SLCO2A1: variants seen among roughly 807,000 people sequenced by gnomAD.
SLCO2A1 encodes matrin F/G 1.
SLCO2A1 carries 60 observed loss-of-function variants against 71.7 expected under a neutral mutation model. The observed-to-expected ratio is 0.84, with a 90% CI of 0.68 to 1.04. The LOEUF (loss-of-function observed/expected upper bound fraction) is 1.04. Ranked by LOEUF, SLCO2A1 falls within the 50% of genes least tolerant of loss-of-function variation. The probability of loss-of-function intolerance (pLI) is 0.00; values close to 1 mark genes in which losing one functional copy is unlikely to be tolerated. For missense variants in SLCO2A1, 745 were observed against 813.4 expected (o/e 0.92, Z 1.02); for synonymous variants, 308 against 326.7 (o/e 0.94, Z 0.62).
intron 1 of SLCO2A1, among the ~76,000 whole-genome samples, chr3:134,000,340 G>A (rs1248452460): frequency 6.6e-6 from 1 of 152,134 alleles, no homozygotes. Context: ...ACAGAGAGGA[G>A]GTCACTGAGG....
chr3:134,011,036 GTTTT>G, intron 1 of SLCO2A1, among the ~76,000 whole-genome samples: 2 of 151,936 alleles, frequency 1.3e-5, no homozygotes, highest in Admixed American at 1.3e-4. Flanking sequence ...AATTTTGTCT[GTTTT>G]TTTTGTTTGT....
chr3:134,005,144 AG>A (rs1187747085), intron 1 of SLCO2A1, among the ~76,000 whole-genome samples: 4 of 152,188 alleles, frequency 2.6e-5, no homozygotes, highest in Admixed American at 6.5e-5. Flanking sequence ...ATTTCCTATT[AG>A]GTTTCTTGTA....
At chr3:134,029,203 A>G (rs1356732318) in intron 1 of SLCO2A1, among the ~76,000 whole-genome samples, 1 of 152,068 alleles carries the variant, frequency 6.6e-6, no homozygotes, top group Non-Finnish European at 1.5e-5. Flanking sequence ...CTGGGGAAGG[A>G]GAACATCCCT....
chr3:133,983,623 C>G (rs532222438), intron 1 of SLCO2A1, among the ~76,000 whole-genome samples: 115 of 152,360 alleles, frequency 7.5e-4, no homozygotes, highest in African/African-American at 2.7e-3. Context: ...TCTTCCCCTT[C>G]TTTGTCTGGA....
At position 133,934,634 on chromosome 3, in the gene SLCO2A1, T is replaced by C; in HGVS notation, c.*79A>G. On this transcript the variant is annotated 3_prime_UTR_variant, in exon 14 of 14. Transcript: ENST00000310926. ...TTAAAAATACAAAAAGGAAATGACGTGTTAACATTAGTGAGTATAGGCAGG... is the reference window on the plus strand; with the variant it reads ...TTAAAAATACAAAAAGGAAATGACGCGTTAACATTAGTGAGTATAGGCAGG... 1.0e-6 allele frequency: 1 copy of C among 966,022 alleles called. No individual in the cohort carries two copies. The highest frequency in any genetic ancestry group is 2.0e-5 in the Admixed American group (1 of 48,976). 59.8% of individuals were successfully genotyped at this position (966,022 alleles called of 1,614,324 possible). A position where few individuals can be genotyped will look rare whatever the true frequency, so the allele number is the denominator to read the frequency against.
intron 1 of SLCO2A1, among the ~76,000 whole-genome samples, chr3:134,004,491 T>C (rs912426223): frequency 1.3e-5 from 2 of 152,170 alleles, no homozygotes; most frequent in Non-Finnish European, 2.9e-5. Flanking sequence ...TGCCCCACCA[T>C]GCCTGGCTAA....
At chr3:134,025,449 T>C (rs1052068007) in intron 1 of SLCO2A1, among the ~76,000 whole-genome samples, 86 of 152,084 alleles carry the variant, frequency 5.7e-4, no homozygotes, top group Non-Finnish European at 8.5e-4. Context: ...AGTAAAGTGC[T>C]AGCCAAAACA....
At chr3:133,983,318 G>T (rs371774155) in intron 1 of SLCO2A1, among the ~76,000 whole-genome samples, 16 of 152,322 alleles carry the variant, frequency 1.1e-4, no homozygotes, top group African/African-American at 3.8e-4. Context: ...TTGGTCCTCA[G>T]CCAGCATCAA....
intron 1 of SLCO2A1, among the ~76,000 whole-genome samples, chr3:134,008,170 A>G (rs774214049): frequency 1.3e-5 from 2 of 152,238 alleles, no homozygotes; most frequent in Non-Finnish European, 2.9e-5. Flanking sequence ...CCATGACCCC[A>G]GATGCATTAA....
intron 3 of SLCO2A1, among the ~76,000 whole-genome samples, chr3:133,956,218 A>G (rs1443880733): frequency 6.6e-6 from 1 of 152,126 alleles, no homozygotes; most frequent in Non-Finnish European, 1.5e-5. Flanking sequence ...AGGTGAGCCT[A>G]AGTCCCACAG....
chr3:133,948,855 C>T (rs1005662251), intron 7 of SLCO2A1, 38 bp downstream of exon 7: 2 of 1,606,896 alleles, frequency 1.2e-6, no homozygotes, highest in Non-Finnish European at 8.5e-7. Flanking sequence ...CCCTCCCCCG[C>T]ACTGTGCCAG....
At chr3:133,963,326 C>T (rs573719642) in intron 3 of SLCO2A1, among the ~76,000 whole-genome samples, 5 of 152,270 alleles carry the variant, frequency 3.3e-5, no homozygotes, top group East Asian at 1.9e-4. Context: ...CATGTTTCAG[C>T]GCTCCGTCCC....
At chr3:133,978,999 A>G (rs1202421854) in intron 2 of SLCO2A1, among the ~76,000 whole-genome samples, 2 of 152,190 alleles carry the variant, frequency 1.3e-5, no homozygotes, top group African/African-American at 4.8e-5. Flanking sequence ...CTCATAAGAC[A>G]GGAGATGCCT....
chr3:134,024,724 C>A (rs563140454), intron 1 of SLCO2A1, among the ~76,000 whole-genome samples: 1 of 152,290 alleles, frequency 6.6e-6, no homozygotes, highest in Non-Finnish European at 1.5e-5. Context: ...TTAGGCAAAA[C>A]CTGAATATAA....
intron 1 of SLCO2A1, among the ~76,000 whole-genome samples, chr3:134,028,864 G>T (rs1935749701): frequency 6.6e-6 from 1 of 152,224 alleles, no homozygotes; most frequent in South Asian, 2.1e-4. Flanking sequence ...AGTGCGGATT[G>T]AACCATTCCA....
At chr3:133,951,081 GAA>G in intron 6 of SLCO2A1, 125 bp downstream of exon 6, 1 of 1,309,314 alleles carries the variant, frequency 7.6e-7, no homozygotes, top group Non-Finnish European at 1.1e-6. Context: ...CCTGCATCAT[GAA>G]ATTTGTTTAG....
chr3:133,933,896 T>A lies in SLCO2A1; in HGVS notation c.*817A>T, dbSNP rs2370512. 0.75 allele frequency: 114,116 copies of A among 152,100 alleles called. 42,872 individuals carry two copies. Among genetic ancestry groups the A allele is most frequent in the East Asian group, 0.83 (4,318 of 5,174 alleles). 9.4% of individuals were successfully genotyped at this position (152,100 alleles called of 1,614,324 possible). On this transcript the variant is annotated 3_prime_UTR_variant, in exon 14 of 14. Transcript: ENST00000310926. ...GGGTGGGAGGTTGGGCATCAGGACC[T>A]TTTCATAGGCCTTCCTTGGGTCTTC... is the stretch of plus-strand genomic sequence containing the variant.
chr3:133,963,542 G>A (rs1934093703), intron 3 of SLCO2A1, among the ~76,000 whole-genome samples: 1 of 152,252 alleles, frequency 6.6e-6, no homozygotes, highest in Non-Finnish European at 1.5e-5. Flanking sequence ...CTTCTGCCAG[G>A]AAAGAGGAGG....
intron 1 of SLCO2A1, among the ~76,000 whole-genome samples, chr3:133,994,320 T>C (rs1424071383): frequency 5.9e-5 from 9 of 152,240 alleles, no homozygotes; most frequent in African/African-American, 2.2e-4. Context: ...AGCAGGCTAC[T>C]GATGCCAAAT....
Sources: gnomAD v4.1 joint callset for allele counts (sites outside exome capture counted in the v4.1 genomes callset) on GRCh38, gnomAD v4.1.1 for gene constraint, MANE v1.5 for transcripts, NCBI Gene and HGNC (gene_info 2026-07-23, HGNC 2026-07-21) for gene names.